The following SETMAR variants were observed in gnomAD, a reference collection of about 807,000 sequenced individuals.
SETMAR encodes SET and mariner transposase domain methyltransferase.
Under a neutral mutation model 58.4 loss-of-function variants are expected in SETMAR, and 44 were observed. That is an observed-to-expected ratio of 0.75 (90% CI 0.59 to 0.97). The LOEUF (loss-of-function observed/expected upper bound fraction) is 0.97, where lower values mean the gene tolerates loss of function less well. Ranked by LOEUF, SETMAR falls within the 50% of genes least tolerant of loss-of-function variation. The probability of loss-of-function intolerance (pLI) is 0.00; values close to 1 mark genes in which losing one functional copy is unlikely to be tolerated. For synonymous variants in SETMAR, 332 were observed against 307.4 expected (o/e 1.08, Z -0.84); for missense variants, 903 against 840.2 (o/e 1.07, Z -0.92).
chr3:4,312,092 TAC>T, intron 1 of SETMAR, among the ~76,000 whole-genome samples: 1 of 152,346 alleles, frequency 6.6e-6, no homozygotes, highest in East Asian at 1.9e-4. Context: ...AGAATTTCTT[TAC>T]AAGTGTATAT....
intron 1 of SETMAR, chr3:4,303,848 G>A (rs1698062388): frequency 7.5e-7 from 1 of 1,328,006 alleles, no homozygotes; most frequent in Admixed American, 2.3e-5. Flanking sequence ...TTACCTCCCT[G>A]GTCTCAGGTG....
At chr3:4,316,129 G>A in intron 2 of SETMAR, 83 bp from the exon 3 acceptor site, 1 of 571,826 alleles carries the variant, frequency 1.7e-6, no homozygotes, top group East Asian at 2.8e-5. Context: ...CTTAAATGTG[G>A]TCATGTTATA....
At chr3:4,307,967 T>C (rs184926880) in intron 1 of SETMAR, among the ~76,000 whole-genome samples, 2 of 152,218 alleles carry the variant, frequency 1.3e-5, no homozygotes, top group East Asian at 3.9e-4. Context: ...AGCCCAGCAG[T>C]TGGAGCCTGC....
Position 4,316,825 on chromosome 3 carries a change from A to G in SETMAR, c.1634A>G (p.Tyr545Cys), listed in dbSNP as rs1410741363. Residue 545 changes from tyrosine (Y) to cysteine (C), a missense_variant, in exon 3 of 3, where the codon TAC becomes TGC. Transcript: ENST00000358065. The stretch of plus-strand genomic sequence containing the variant: ...TGGTCTGCTGCTGGTCTGATCCACT[A>G]CAGCTTTCTGAATCCCGGTGAAACC... The part of the protein sequence containing the change: ...IWWSAAGLIH[Y>C]SFLNPGETIT... 1 of 1,550,600 alleles carries G rather than the reference A, an allele frequency of 6.4e-7. No individual in the cohort carries two copies. Among genetic ancestry groups the G allele is most frequent in the South Asian group, 1.2e-5 (1 of 84,024 alleles).
At chr3:4,306,571 C>G (rs543193161) in intron 1 of SETMAR, among the ~76,000 whole-genome samples, 11 of 152,274 alleles carry the variant, frequency 7.2e-5, no homozygotes, top group Non-Finnish European at 1.5e-4. Context: ...AGACAGGATG[C>G]CTTCCTAAGA....
At chr3:4,315,634 C>T (rs1338994266) in intron 2 of SETMAR, among the ~76,000 whole-genome samples, 1 of 152,168 alleles carries the variant, frequency 6.6e-6, no homozygotes, top group Non-Finnish European at 1.5e-5. Flanking sequence ...TTGTTTGCTT[C>T]ATTGCCATAT....
rs772236911 is a variant in SETMAR at position 4,313,588 on chromosome 3, CTA to C, written c.848_849del (p.Leu283GlnfsTer18). 2 of 1,614,080 alleles carry C rather than the reference CTA, an allele frequency of 1.2e-6. No individual in the cohort carries two copies. The highest frequency in any genetic ancestry group is 2.2e-5 in the East Asian group (1 of 44,886). ...CAAAGAAAGGCTAGATCATGGGAAA[CTA>C]AGGAAACCTTGTTACTGTGGTGCCA... Reference protein sequence around the residue: ...EDKERLDHGKLRKPCYCGAKS... With the variant: ...EDKERLDHGKXRKPCYCGAKS... On this transcript the variant is annotated frameshift_variant, in exon 2 of 3. Transcript: ENST00000358065. LOFTEE classifies it high-confidence loss of function.
intron 1 of SETMAR, among the ~76,000 whole-genome samples, chr3:4,306,553 C>T (rs1020331737): frequency 1.3e-5 from 2 of 152,104 alleles, no homozygotes; most frequent in African/African-American, 4.8e-5. Flanking sequence ...GTTAGAGTTA[C>T]AAAAATAAGA....
At position 4,303,505 on chromosome 3, in the gene SETMAR, G is replaced by T; in HGVS notation, c.135G>T (p.Gly45=). ...TGCCGGTGGGCGCGTGGCCCCCGGG[G>T]GCCGCGCCGGCGCCCTTCCAGGTAG... is the stretch of plus-strand genomic sequence containing the variant. ...ENLPVGAWPP[G]AAPAPFQYTP... is the part of the protein sequence containing the mutation. The change falls in exon 1 of 3, where the codon GGG becomes GGT. Residue 45 remains glycine (G), a synonymous_variant. Coordinates refer to ENST00000358065, the MANE Select transcript of SETMAR (RefSeq NM_006515.4). 1 of 1,446,910 alleles carries T rather than the reference G, an allele frequency of 6.9e-7. No homozygotes were observed. The highest frequency in any genetic ancestry group is 9.0e-7 in the Non-Finnish European group (1 of 1,105,396). The allele number at this position is 1,446,910 out of a possible 1,614,324, so 89.6% of individuals were successfully genotyped here.
intron 1 of SETMAR, among the ~76,000 whole-genome samples, chr3:4,308,554 C>A (rs541660695): frequency 2.8e-4 from 43 of 152,298 alleles, no homozygotes; most frequent in African/African-American, 9.6e-4. Context: ...TTCATGATAG[C>A]CACCCCAAAT....
chr3:4,308,778 TC>T (rs1348756332), intron 1 of SETMAR, among the ~76,000 whole-genome samples: 3 of 152,208 alleles, frequency 2.0e-5, no homozygotes, highest in African/African-American at 4.8e-5. Flanking sequence ...TAGTCTAACC[TC>T]CTAATTGAAG....
intron 1 of SETMAR, chr3:4,303,945 G>A (rs1698067812): frequency 1.3e-5 from 14 of 1,058,338 alleles, no homozygotes; most frequent in Non-Finnish European, 1.7e-5. Context: ...GTCAGCCTTA[G>A]CTGTGGTCTC....
chr3:4,307,590 T>C (rs1698240453), intron 1 of SETMAR, among the ~76,000 whole-genome samples: 1 of 152,222 alleles, frequency 6.6e-6, no homozygotes, highest in South Asian at 2.1e-4. Context: ...TCAAAAAACT[T>C]GAAATCTTCA....
At chr3:4,311,527 A>T (rs1287934714) in intron 1 of SETMAR, among the ~76,000 whole-genome samples, 1 of 152,188 alleles carries the variant, frequency 6.6e-6, no homozygotes, top group Non-Finnish European at 1.5e-5. Context: ...GTTTAGAAGA[A>T]CACATTGGTG....
chr3:4,303,424 G>A lies in SETMAR; in HGVS notation c.54G>A (p.Lys18=). 6.4e-7 allele frequency: 1 copy of A among 1,555,010 alleles called. No individual in the cohort carries two copies. Among genetic ancestry groups the A allele is most frequent in the Non-Finnish European group, 8.7e-7 (1 of 1,155,714 alleles). The change falls in exon 1 of 3, where the codon AAG becomes AAA. Residue 18 remains lysine, a synonymous_variant. Coordinates refer to ENST00000358065, the MANE Select transcript of SETMAR (RefSeq NM_006515.4). ...TTRPCGMAEF[K]EKPEAPTEQL... ...GGCCTTGTGGGATGGCGGAGTTTAA[G>A]GAGAAGCCTGAGGCCCCGACTGAGC...
Position 4,313,688 on chromosome 3 carries a change from G to C in SETMAR, c.947G>C (p.Gly316Ala). 1 of 1,613,984 alleles carries C rather than the reference G, an allele frequency of 6.2e-7. No individual in the cohort carries two copies. The highest frequency in any genetic ancestry group is 2.2e-5 in the East Asian group (1 of 44,870). The change falls in exon 2 of 3, where the codon GGA becomes GCA. Residue 316 changes from glycine to alanine, a missense_variant. Physicochemically the swap from Gly to Ala is moderately conservative, Grantham distance 60. Transcript: ENST00000358065. The part of the protein sequence containing the change: ...CPVEKSNISC[G>A]NEKEPSMCGS... The stretch of plus-strand genomic sequence containing the variant: ...GTAGAAAAGTCGAACATCAGTTGTG[G>C]AAATGAGAAGGAACCCAGCATGTGT...
At chr3:4,305,151 G>C (rs776286163) in intron 1 of SETMAR, among the ~76,000 whole-genome samples, 2 of 151,980 alleles carry the variant, frequency 1.3e-5, no homozygotes, top group Admixed American at 6.6e-5. Context: ...GTGGTGGTGC[G>C]ATCAGCTCAC....
chr3:4,313,964 T>C (rs1206733978), intron 2 of SETMAR: 25 of 946,262 alleles, frequency 2.6e-5, no homozygotes, highest in Non-Finnish European at 3.5e-5. Flanking sequence ...CTCACTTTCC[T>C]AGTTAGATTT....
intron 2 of SETMAR, 106 bp downstream of exon 2, chr3:4,313,867 C>A: frequency 6.5e-7 from 1 of 1,543,464 alleles, no homozygotes. Context: ...AGGAATGTGG[C>A]AGAGACTGCA....
Sources: gnomAD v4.1 joint callset for allele counts (sites outside exome capture counted in the v4.1 genomes callset) on GRCh38, gnomAD v4.1.1 for gene constraint, MANE v1.5 for transcripts, NCBI Gene and HGNC (gene_info 2026-07-23, HGNC 2026-07-21) for gene names.